The following RNF130 variants were observed in gnomAD, a reference collection of about 807,000 sequenced individuals.
The protein encoded by RNF130 is E3 ubiquitin-protein ligase RNF130.
In RNF130, 21 loss-of-function variants were observed where a neutral mutation model predicts 44.6. The observed-to-expected ratio is 0.47, with a 90% confidence interval of 0.33 to 0.68. RNF130 has a LOEUF of 0.68. RNF130 is among the 30% of genes least tolerant of loss of function. The pLI, the probability that RNF130 is intolerant of heterozygous loss-of-function variation, is 0.02. For missense variants in RNF130, 479 were observed against 560.6 expected (o/e 0.85, Z 1.47); for synonymous variants, 214 against 210.4 (o/e 1.02, Z -0.15).
downstream of RNF130, among the ~76,000 whole-genome samples, chr5:179,954,400 A>G (rs184415687): frequency 6.6e-6 from 1 of 152,366 alleles, no homozygotes; most frequent in East Asian, 1.9e-4. Flanking sequence ...TTAACCACAC[A>G]AAGAAGTTCT....
intron 1 of RNF130, among the ~76,000 whole-genome samples, chr5:180,060,625 T>A (rs1425788498): frequency 1.3e-5 from 2 of 152,170 alleles, no homozygotes; most frequent in African/African-American, 4.8e-5. Flanking sequence ...GATTCTTAAC[T>A]TGGGGCTTCA....
chr5:179,982,566 G>GTGTT (rs1762862374), intron 3 of RNF130, among the ~76,000 whole-genome samples: 1 of 150,592 alleles, frequency 6.6e-6, no homozygotes, highest in Non-Finnish European at 1.5e-5. Flanking sequence ...GTGAGATTTT[G>GTGTT]TGTTTTGTTT....
Position 179,949,497 on chromosome 5 carries a change from T to TA in RNF130, c.1150+17308dup, listed in dbSNP as rs910396885. ...CTGAAAATACTCTAGAAAAATACTT[T>TA]AAAAAAAAAAGAAAGAAAAAACAAA... On this transcript the variant is annotated intron_variant, in intron 7 of 7. Coordinates refer to the RNF130 transcript ENST00000522208. 5.5e-4 allele frequency among the ~76,000 whole-genome samples: 81 copies of TA among 147,900 alleles called. 1 individual carries two copies. Among genetic ancestry groups the TA allele is most frequent in the South Asian group, 1.5e-3 (7 of 4,664 alleles).
chr5:179,998,898 G>C (rs1387940214), intron 3 of RNF130, among the ~76,000 whole-genome samples: 1 of 109,974 alleles, frequency 9.1e-6, no homozygotes, highest in Non-Finnish European at 1.9e-5. Flanking sequence ...TTATATATCT[G>C]AGTGCTCCAG....
intron 2 of RNF130, among the ~76,000 whole-genome samples, chr5:180,022,342 T>C (rs2113106565): frequency 6.6e-6 from 1 of 152,354 alleles, no homozygotes; most frequent in Middle Eastern, 3.4e-3. Context: ...GGTTCCTATT[T>C]TATTCAATCA....
At chr5:180,063,511 G>T (rs2113185966) in intron 1 of RNF130, among the ~76,000 whole-genome samples, 1 of 152,304 alleles carries the variant, frequency 6.6e-6, no homozygotes, top group East Asian at 1.9e-4. Context: ...TATCAATTTG[G>T]AGATGTCTTT....
chr5:180,066,136 G>A (rs1384238953), intron 1 of RNF130, among the ~76,000 whole-genome samples: 1 of 152,168 alleles, frequency 6.6e-6, no homozygotes, highest in Non-Finnish European at 1.5e-5. Context: ...ATTTTGAATT[G>A]TACTCCCATA....
At chr5:180,002,465 G>A (rs1763365445) in intron 3 of RNF130, among the ~76,000 whole-genome samples, 1 of 152,160 alleles carries the variant, frequency 6.6e-6, no homozygotes, top group Non-Finnish European at 1.5e-5. Flanking sequence ...CCAATTCCAA[G>A]ATGGTATAGC....
chr5:180,023,351 T>A (rs538080838), intron 2 of RNF130, among the ~76,000 whole-genome samples: 2 of 152,196 alleles, frequency 1.3e-5, no homozygotes, highest in Non-Finnish European at 2.9e-5. Context: ...TGCCCGGATC[T>A]TGGTTTTTAA....
intron 3 of RNF130, among the ~76,000 whole-genome samples, chr5:179,988,814 T>C (rs1763012144): frequency 6.6e-6 from 1 of 152,230 alleles, no homozygotes; most frequent in Admixed American, 6.5e-5. Flanking sequence ...ATATAGTGTT[T>C]CTAAACAATG....
intron 3 of RNF130, among the ~76,000 whole-genome samples, chr5:180,010,244 CAAAAAAAAAAAA>C (rs71001067): frequency 2.2e-4 from 9 of 41,098 alleles, no homozygotes; most frequent in East Asian, 9.0e-4. Flanking sequence ...GACTACATCT[CAAAAAAAAAAAA>C]AAAAAAAAAA....
At chr5:180,004,703 G>C (rs76878788) in intron 3 of RNF130, among the ~76,000 whole-genome samples, 2,634 of 152,308 alleles carry the variant, frequency 0.017, 92 homozygotes, top group African/African-American at 0.06. Context: ...TTGGTTCAAA[G>C]CCAAATGGTT....
chr5:180,022,220 C>T (rs1410303913), intron 2 of RNF130, among the ~76,000 whole-genome samples: 1 of 152,102 alleles, frequency 6.6e-6, no homozygotes, highest in Non-Finnish European at 1.5e-5. Flanking sequence ...TTCCTCTTTT[C>T]CCCTTTGTAA....
chr5:179,921,989 C>G (rs888798282), intron 7 of RNF130, among the ~76,000 whole-genome samples: 1 of 151,610 alleles, frequency 6.6e-6, no homozygotes, highest in African/African-American at 2.4e-5. Context: ...CCACCGCACT[C>G]CAGACTGTGT....
At chr5:179,976,763 G>C (rs1762723932) in intron 5 of RNF130, 2 of 151,100 alleles carry the variant, frequency 1.3e-5, no homozygotes, top group Non-Finnish European at 1.5e-5. Context: ...AATAAGACCA[G>C]TAGCCTCATG....
intron 7 of RNF130, among the ~76,000 whole-genome samples, chr5:179,947,977 ACTCTGAAT>A (rs1762069643): frequency 1.3e-5 from 2 of 152,128 alleles, no homozygotes; most frequent in Admixed American, 1.3e-4. Context: ...TCACCCTGAG[ACTCTGAAT>A]TGCTCTAGGG....
At chr5:179,985,871 G>A (rs1174915338) in intron 3 of RNF130, among the ~76,000 whole-genome samples, 13 of 152,178 alleles carry the variant, frequency 8.5e-5, no homozygotes, top group Admixed American at 7.2e-4. Flanking sequence ...TTAAAAATCC[G>A]TTCACAAAAA....
At chr5:180,070,354 T>G (rs1765221434) in intron 1 of RNF130, among the ~76,000 whole-genome samples, 1 of 152,170 alleles carries the variant, frequency 6.6e-6, no homozygotes, top group South Asian at 2.1e-4. Flanking sequence ...TAGTCTGAGT[T>G]GCGGACAGGC....
intron 4 of RNF130, 42 bp from the exon 5 acceptor site, chr5:179,978,327 G>T: frequency 2.3e-6 from 3 of 1,312,006 alleles, no homozygotes; most frequent in Non-Finnish European, 3.3e-6. Flanking sequence ...CACGCTGCAA[G>T]TATATAAATG....
Sources: allele counts gnomAD v4.1 joint callset (sites outside exome capture counted in the v4.1 genomes callset), GRCh38; gene constraint gnomAD v4.1.1; transcripts MANE v1.5; gene names NCBI Gene and HGNC (gene_info 2026-07-23, HGNC 2026-07-21).